The following RANBP3 variants were observed in gnomAD, a reference collection of about 807,000 sequenced individuals.
The protein encoded by RANBP3 is ran-binding protein 3.
A neutral mutation model predicts 77.3 loss-of-function variants in RANBP3; 14 were observed. That is an observed-to-expected ratio of 0.18 (90% CI 0.12 to 0.28). RANBP3 has a LOEUF of 0.28. Among genes scored for constraint, RANBP3 ranks in the 10% least tolerant of loss-of-function variants. The pLI, the probability that RANBP3 is intolerant of heterozygous loss-of-function variation, is 1.00. For missense variants in RANBP3, 586 were observed against 752.3 expected, an observed-to-expected ratio of 0.78 and a Z score of 2.59; for synonymous variants, 315 against 312.4, an observed-to-expected ratio of 1.01 and a Z score of -0.09.
chr19:5,936,188 G>A (rs2058062096), intron 5 of RANBP3, among the ~76,000 whole-genome samples: 2 of 152,262 alleles, frequency 1.3e-5, no homozygotes, highest in East Asian at 1.9e-4. Flanking sequence ...GGGTCTGTGC[G>A]TGGACGGCGC....
intron 3 of RANBP3, 33 bp downstream of exon 3, chr19:5,951,360 G>A (rs769429814): frequency 5.2e-6 from 8 of 1,537,748 alleles, no homozygotes; most frequent in Non-Finnish European, 7.0e-6. Flanking sequence ...GCTCCCCCTG[G>A]GCGGTAGGAG....
At chr19:5,966,347 C>T (rs555836) in intron 1 of RANBP3, among the ~76,000 whole-genome samples, 19,627 of 152,082 alleles carry the variant, frequency 0.13, 1,657 homozygotes, top group African/African-American at 0.24. Context: ...GGCTGATCCC[C>T]GACAAGACTG....
chr19:5,951,803 C>A (rs1451986074), intron 2 of RANBP3, among the ~76,000 whole-genome samples: 2 of 152,142 alleles, frequency 1.3e-5, no homozygotes, highest in Non-Finnish European at 1.5e-5. Context: ...TGAGAGTGGA[C>A]TAGGTGCCAT....
intron 10 of RANBP3, chr19:5,925,194 C>G (rs2057887177): frequency 3.9e-6 from 2 of 508,344 alleles, no homozygotes; most frequent in East Asian, 7.2e-5. Flanking sequence ...TCTGAGACAC[C>G]TGGAGGGGCA....
At chr19:5,977,915 G>C in intron 1 of RANBP3, 146 bp downstream of exon 1, 2 of 1,037,892 alleles carry the variant, frequency 1.9e-6, no homozygotes, top group Non-Finnish European at 2.7e-6. Flanking sequence ...CGCAATAGGG[G>C]GCGGCTGCAA....
At chr19:5,936,432 C>T (rs1255141685) in intron 5 of RANBP3, among the ~76,000 whole-genome samples, 1 of 152,060 alleles carries the variant, frequency 6.6e-6, no homozygotes, top group African/African-American at 2.4e-5. Context: ...TGCAGGCAGG[C>T]AGGCAGGCAG....
rs955499949 is a variant in RANBP3 at position 5,916,261 on chromosome 19, G to C, written c.*1349C>G. ...CACTAGCTGGCTAAGGCTTAAAGCA[G>C]AGACGTGTGACTGGGTCTCTCGGGA... On this transcript the variant is annotated 3_prime_UTR_variant, in exon 17 of 17. Transcript: ENST00000340578. 2 of 152,288 alleles carry C rather than the reference G, an allele frequency of 1.3e-5. No homozygotes were observed. The highest frequency in any genetic ancestry group is 4.8e-5 in the African/African-American group (2 of 41,458). 9.4% of individuals were successfully genotyped at this position (152,288 alleles called of 1,614,324 possible). A position where few individuals can be genotyped will look rare whatever the true frequency, so the allele number is the denominator to read the frequency against.
rs759267134 is a variant in RANBP3 at position 5,978,108 on chromosome 19, G to A, written c.-26C>T. 14 of 1,603,072 alleles carry A rather than the reference G, an allele frequency of 8.7e-6. No homozygotes were observed. The highest frequency in any genetic ancestry group is 3.4e-5 in the Admixed American group (2 of 58,916). ...TTTACTTCCTTAAGCCCTCCCACAA[G>A]GCCCCGCGCCGGCCCAGGCTCGCCT... On this transcript the variant is annotated 5_prime_UTR_variant, in exon 1 of 17. Coordinates refer to ENST00000340578, the MANE Select transcript of RANBP3 (RefSeq NM_007322.3).
chr19:5,935,382 CG>C (rs1191195503), intron 5 of RANBP3, among the ~76,000 whole-genome samples: 1 of 152,216 alleles, frequency 6.6e-6, no homozygotes, highest in East Asian at 1.9e-4. Context: ...CTGCAGGATG[CG>C]GGGGTGAGCC....
intron 1 of RANBP3, among the ~76,000 whole-genome samples, chr19:5,973,931 C>T (rs761803476): frequency 6.6e-6 from 1 of 152,136 alleles, no homozygotes; most frequent in Non-Finnish European, 1.5e-5. Context: ...GAGTGGACAG[C>T]GGAGTTAAAA....
intron 6 of RANBP3, 65 bp from the exon 7 acceptor site, chr19:5,932,609 A>G (rs549816747): frequency 1.5e-6 from 2 of 1,336,410 alleles, no homozygotes; most frequent in Non-Finnish European, 2.1e-6. Context: ...CGCTTCAGAG[A>G]CTGACCCCTG....
chr19:5,940,197 C>T (rs753480889), intron 5 of RANBP3, among the ~76,000 whole-genome samples: 4 of 152,260 alleles, frequency 2.6e-5, no homozygotes, highest in Non-Finnish European at 4.4e-5. Context: ...TGAAGAGGGC[C>T]GGGGAGAAGA....
intron 5 of RANBP3, 22 bp from the exon 6 acceptor site, chr19:5,933,501 T>A (rs750417172): frequency 6.2e-7 from 1 of 1,609,790 alleles, no homozygotes. Flanking sequence ...AGACAAAATA[T>A]CAACAGCAGG....
At chr19:5,940,125 C>T (rs2058116263) in intron 5 of RANBP3, among the ~76,000 whole-genome samples, 1 of 152,224 alleles carries the variant, frequency 6.6e-6, no homozygotes, top group Non-Finnish European at 1.5e-5. Context: ...CCCCTCACGC[C>T]TCCAGTTACC....
intron 5 of RANBP3, among the ~76,000 whole-genome samples, chr19:5,937,611 A>C (rs867351660): frequency 6.6e-6 from 1 of 152,224 alleles, no homozygotes; most frequent in South Asian, 2.1e-4. Context: ...TAAGTGTTAA[A>C]GCTTTTCAAA....
chr19:5,919,793 C>T (rs553224409), intron 14 of RANBP3, among the ~76,000 whole-genome samples: 24 of 150,564 alleles, frequency 1.6e-4, no homozygotes, highest in Middle Eastern at 3.4e-3. Flanking sequence ...CCCAGCTGCT[C>T]GGGAGGCCGA....
At chr19:5,930,379 C>T (rs548767023) in intron 8 of RANBP3, among the ~76,000 whole-genome samples, 90 of 152,234 alleles carry the variant, frequency 5.9e-4, no homozygotes, top group African/African-American at 2.0e-3. Context: ...GGACACAGAG[C>T]GGAAAATAAA....
At chr19:5,949,070 CACT>C (rs1568467465) in intron 3 of RANBP3, among the ~76,000 whole-genome samples, 1 of 152,090 alleles carries the variant, frequency 6.6e-6, no homozygotes, top group Non-Finnish European at 1.5e-5. Context: ...TTCAGCGCAC[CACT>C]GTTTATCATC....
In RANBP3 at chr19:5,932,499, C is replaced by T. The variant is rs750636234; in HGVS notation, c.518G>A (p.Arg173His). The change falls in exon 7 of 17, where the codon CGC (arginine) becomes CAC (histidine). Residue 173 changes from arginine to histidine, a missense_variant. Physicochemically the swap from Arg to His is conservative, Grantham distance 29 (BLOSUM62 0). This residue lies in a region of RANBP3 where 232 missense variants were observed against 271.7 expected (regional missense o/e 0.85). Coordinates refer to ENST00000340578, the MANE Select transcript of RANBP3 (RefSeq NM_007322.3). The part of the protein sequence containing the change: ...KPKEQQRSVL[R>H]PAVLQAPQPK... The stretch of plus-strand genomic sequence containing the variant: ...CTGCGGAGCTTGTAACACTGCCGGG[C>T]GAAGCACGCTCCGCTGCTGCTCCTT... The T allele has an allele frequency of 6.2e-7, 1 of 1,613,874 alleles. No homozygotes were observed. The highest frequency in any genetic ancestry group is 8.5e-7 in the Non-Finnish European group (1 of 1,180,024).
Sources: gnomAD v4.1 joint callset for allele counts (sites outside exome capture counted in the v4.1 genomes callset) on GRCh38, gnomAD v4.1.1 for gene constraint, gnomAD v4.1.1 regional missense constraint, MANE v1.5 for transcripts, NCBI Gene and HGNC (gene_info 2026-07-23, HGNC 2026-07-21) for gene names.